Variants in TUB observed in about 807,000 individuals in gnomAD.
TUB encodes TUB bipartite transcription factor.
TUB carries 33 observed loss-of-function variants against 59.7 expected under a neutral mutation model. The observed-to-expected ratio is 0.55, with a 90% CI of 0.42 to 0.74. The LOEUF is 0.74. Ranked by LOEUF, TUB falls within the 30% of genes least tolerant of loss-of-function variation. TUB has a pLI of 0.00. For missense variants in TUB, 659 were observed against 672.0 expected (o/e 0.98, Z 0.21); for synonymous variants, 293 against 256.4 (o/e 1.14, Z -1.36).
chr11:8,033,089 T>C (rs994308546), intron 1 of TUB, among the ~76,000 whole-genome samples: 1 of 152,088 alleles, frequency 6.6e-6, no homozygotes, highest in African/African-American at 2.4e-5. Flanking sequence ...CAATATGATC[T>C]GGGGGGGAAC....
chr11:8,056,777 G>C (rs1943027732), intron 2 of TUB, among the ~76,000 whole-genome samples: 1 of 151,966 alleles, frequency 6.6e-6, no homozygotes, highest in South Asian at 2.1e-4. Flanking sequence ...ACATGTTGTT[G>C]TGTGTGATGT....
Position 8,102,106 on chromosome 11 carries a change from T to A in TUB, c.*487T>A, listed in dbSNP as rs1264670403. On this transcript the variant is annotated 3_prime_UTR_variant, in exon 12 of 12. Coordinates refer to ENST00000299506, the MANE Select transcript of TUB (RefSeq NM_177972.3). The stretch of plus-strand genomic sequence containing the variant: ...ACATCAACTTTATGTAGCAAAGGGC[T>A]TGGTGGCCAAGCCTGGCCCTTAAAC... The A allele has an allele frequency of 6.5e-6, 1 of 154,242 alleles. No homozygotes were observed. The highest frequency in any genetic ancestry group is 1.4e-5 in the Non-Finnish European group (1 of 69,364). The allele number at this position is 154,242 out of a possible 1,614,324, so 9.6% of individuals were successfully genotyped here.
intron 2 of TUB, among the ~76,000 whole-genome samples, chr11:8,058,953 G>A (rs1943070916): frequency 6.6e-6 from 1 of 152,174 alleles, no homozygotes; most frequent in Non-Finnish European, 1.5e-5. Context: ...TAAACTTATT[G>A]AGTCTACGCA....
intron 1 of TUB, among the ~76,000 whole-genome samples, chr11:8,027,160 T>TC (rs1942510983): frequency 6.6e-6 from 1 of 152,212 alleles, no homozygotes; most frequent in African/African-American, 2.4e-5. Context: ...AGTATACAAG[T>TC]CCGTGGCATC....
At chr11:8,049,662 T>C (rs1254350563) in intron 2 of TUB, among the ~76,000 whole-genome samples, 1 of 151,496 alleles carries the variant, frequency 6.6e-6, no homozygotes, top group African/African-American at 2.4e-5. Flanking sequence ...AATTTTATTA[T>C]GTAATTTTAT....
chr11:8,060,236 A>G (rs1010731350), intron 2 of TUB, among the ~76,000 whole-genome samples: 17 of 152,210 alleles, frequency 1.1e-4, no homozygotes, highest in African/African-American at 4.1e-4. Context: ...CACAGTCACA[A>G]GGGTCCAGAA....
Position 8,081,442 on chromosome 11 carries a change from GGGCCCCCGCGCCGGCCCCTCC to G in TUB, c.-66_-46del. The G allele has an allele frequency of 7.5e-7, 1 of 1,331,196 alleles. No individual in the cohort carries two copies. The highest frequency in any genetic ancestry group is 9.6e-7 in the Non-Finnish European group (1 of 1,041,722). 82.5% of individuals were successfully genotyped at this position (1,331,196 alleles called of 1,614,324 possible). On this transcript the variant is annotated 5_prime_UTR_variant, in exon 1 of 12. Transcript: ENST00000299506. Reference sequence around the variant, plus strand: ...CCCGGGGCGGCCCGGGAGCTGAGCAGGGCCCCCGCGCCGGCCCCTCCGGGCCCCGGCCTCCAGAGCCGCAGC... The same window carrying G: ...CCCGGGGCGGCCCGGGAGCTGAGCAGGGGCCCCGGCCTCCAGAGCCGCAGC...
intron 1 of TUB, among the ~76,000 whole-genome samples, chr11:8,021,742 C>T (rs946090344): frequency 1.3e-5 from 2 of 151,570 alleles, no homozygotes; most frequent in Non-Finnish European, 2.9e-5. Context: ...GGTGAAACCC[C>T]GTCTCTAATA....
chr11:8,101,274 C>A (rs1314793910), intron 11 of TUB, among the ~76,000 whole-genome samples: 1 of 152,200 alleles, frequency 6.6e-6, no homozygotes, highest in Non-Finnish European at 1.5e-5. Flanking sequence ...CCCTGGTGTT[C>A]ACATGCATCT....
At chr11:8,050,023 C>T (rs1052412596) in intron 2 of TUB, among the ~76,000 whole-genome samples, 3 of 152,222 alleles carry the variant, frequency 2.0e-5, no homozygotes, top group South Asian at 2.1e-4. Context: ...GTAGTGATCC[C>T]GACTTTTAAC....
intron 2 of TUB, among the ~76,000 whole-genome samples, chr11:8,071,819 C>A (rs1283023022): frequency 1.3e-5 from 2 of 152,214 alleles, no homozygotes; most frequent in Non-Finnish European, 2.9e-5. Flanking sequence ...TGGCCCGAGG[C>A]CCCTCCCACT....
rs372881525 is a variant in TUB, at chr11:8,049,561, GTA to G, written c.203+9888_203+9889del. On this transcript the variant is annotated intron_variant, in intron 2 of 12. Transcript: ENST00000305253. The stretch of plus-strand genomic sequence containing the variant: ...TTTAGAACCATGGTGGTATTATGTG[GTA>G]TATATATATATATATATAGATAGAT... Among the ~76,000 whole-genome samples, 439 of 124,278 alleles carry G rather than the reference GTA, an allele frequency of 3.5e-3. 6 individuals carry two copies. In the East Asian group the frequency reaches 0.045, roughly 13 times the overall value. The allele number at this position is 124,278 out of a possible 152,430, so 81.5% of individuals were successfully genotyped here.
chr11:8,041,058 G>A (rs1589927624), intron 2 of TUB, among the ~76,000 whole-genome samples: 2 of 152,196 alleles, frequency 1.3e-5, no homozygotes, highest in East Asian at 3.8e-4. Context: ...GAGTCAAGGG[G>A]CTTCTCAGGA....
Position 8,081,518 on chromosome 11 carries a change from C to T in TUB, c.8C>T (p.Ser3Phe), listed in dbSNP as rs949771249. The T allele has an allele frequency of 2.6e-6, 4 of 1,552,666 alleles. No homozygotes were observed. The highest frequency in any genetic ancestry group is 1.4e-5 in the African/African-American group (1 of 70,542). ...GCCCCGCCCCCGAGAGACATGACTT[C>T]CAAGCCGCATTCCGACTGGATTCCC... MT[S>F]KPHSDWIPYS... The change falls in exon 1 of 12, where the codon TCC (serine) becomes TTC (phenylalanine). Residue 3 changes from serine (S) to phenylalanine (F), a missense_variant. Physicochemically the swap from Ser to Phe is radical, Grantham distance 155. This residue lies in a region of TUB where 321 missense variants were observed against 304.3 expected (regional missense o/e 1.05). Coordinates refer to ENST00000299506, the MANE Select transcript of TUB (RefSeq NM_177972.3).
rs908074965 is a variant in TUB, at chr11:8,100,994, G to A, written c.1384G>A (p.Asp462Asn). Residue 462 changes from aspartate (D) to asparagine (N), a missense_variant, in exon 11 of 12, where the codon GAC becomes AAC. This residue lies in a region of TUB where 226 missense variants were observed against 210.8 expected (regional missense o/e 1.07). Transcript: ENST00000299506. The part of the protein sequence containing the change: ...VKNFQIIHGN[D>N]PDYIVMQFGR... ...GAACTTCCAGATCATCCATGGCAATGACCGTGAGTGTTTCTGTCCCTACTC... is the reference window on the plus strand; with the variant it reads ...GAACTTCCAGATCATCCATGGCAATAACCGTGAGTGTTTCTGTCCCTACTC... 7 of 1,614,134 alleles carry A rather than the reference G, an allele frequency of 4.3e-6. No individual in the cohort carries two copies. Among genetic ancestry groups the A allele is most frequent in the Non-Finnish European group, 5.9e-6 (7 of 1,180,026 alleles).
At chr11:8,020,928 G>A (rs373400291) in intron 1 of TUB, among the ~76,000 whole-genome samples, 2 of 152,142 alleles carry the variant, frequency 1.3e-5, no homozygotes, top group African/African-American at 4.8e-5. Context: ...AATTTCCTCC[G>A]GGAGATGAGC....
chr11:8,036,997 T>A (rs1249759919), upstream of TUB, among the ~76,000 whole-genome samples: 1 of 152,246 alleles, frequency 6.6e-6, no homozygotes, highest in African/African-American at 2.4e-5. Flanking sequence ...GAGAAAGTGC[T>A]GGCCTGAGCA....
chr11:8,033,709 A>C (rs1942607675), upstream of TUB, among the ~76,000 whole-genome samples: 1 of 152,186 alleles, frequency 6.6e-6, no homozygotes, highest in African/African-American at 2.4e-5. Flanking sequence ...GGTGGGGTGT[A>C]ATGTGTAAAC....
chr11:8,078,359 G>A (rs1426121049), upstream of TUB, among the ~76,000 whole-genome samples: 1 of 152,152 alleles, frequency 6.6e-6, no homozygotes, highest in Non-Finnish European at 1.5e-5. Context: ...CTGTGTGGTG[G>A]TGTTTCAGTC....
Sources: allele counts gnomAD v4.1 joint callset (sites outside exome capture counted in the v4.1 genomes callset), GRCh38; gene constraint gnomAD v4.1.1; regional missense constraint gnomAD v4.1.1; transcripts MANE v1.5; gene names NCBI Gene and HGNC (gene_info 2026-07-23, HGNC 2026-07-21).